The following CHODL variants were observed in gnomAD, a reference collection of about 807,000 sequenced individuals.
CHODL encodes transmembrane protein MT75.
CHODL carries 29 observed loss-of-function variants against 34.5 expected under a neutral mutation model. The observed-to-expected ratio is 0.84, with a 90% CI of 0.63 to 1.15. The LOEUF is 1.15. CHODL is among the 50% of genes most tolerant of loss of function. The pLI is 0.00. For missense variants in CHODL, 332 were observed against 332.5 expected (o/e 1.00, Z 0.01); for synonymous variants, 125 against 116.1 (o/e 1.08, Z -0.49).
chr21:18,151,612 T>C (rs1347538577), intron 2 of CHODL, among the ~76,000 whole-genome samples: 2 of 152,172 alleles, frequency 1.3e-5, no homozygotes, highest in Non-Finnish European at 2.9e-5. Flanking sequence ...CGATCAGAAG[T>C]TCTGGAGGTC....
chr21:18,196,641 C>A (rs2073591569), intron 2 of CHODL, among the ~76,000 whole-genome samples: 1 of 152,134 alleles, frequency 6.6e-6, no homozygotes, highest in African/African-American at 2.4e-5. Context: ...TTACTGAAAA[C>A]ACAGTGTGAA....
intron 2 of CHODL, among the ~76,000 whole-genome samples, chr21:18,152,832 G>T (rs922432385): frequency 1.3e-5 from 2 of 152,194 alleles, no homozygotes; most frequent in Admixed American, 1.3e-4. Flanking sequence ...AACATAGCTA[G>T]ATTTGTGTTG....
intron 2 of CHODL, among the ~76,000 whole-genome samples, chr21:18,147,061 T>C (rs1447110554): frequency 6.6e-6 from 1 of 152,222 alleles, no homozygotes; most frequent in Non-Finnish European, 1.5e-5. Flanking sequence ...CTTCATGTTC[T>C]GACCATTGGA....
At chr21:18,000,196 A>G (rs1047860395) in intron 1 of CHODL, among the ~76,000 whole-genome samples, 1 of 152,102 alleles carries the variant, frequency 6.6e-6, no homozygotes, top group African/African-American at 2.4e-5. Context: ...TTTCTGACTT[A>G]GGGCCTCAGT....
intron 1 of CHODL, among the ~76,000 whole-genome samples, chr21:17,964,211 C>T (rs191104585): frequency 3.9e-5 from 6 of 152,122 alleles, no homozygotes; most frequent in African/African-American, 1.2e-4. Context: ...ATTTAATGAT[C>T]GATACATGTG....
intron 2 of CHODL, among the ~76,000 whole-genome samples, chr21:18,195,148 A>G (rs926590385): frequency 7.9e-5 from 12 of 151,888 alleles, no homozygotes; most frequent in African/African-American, 2.4e-4. Context: ...TCTGCCTCCC[A>G]GGTTCACACC....
chr21:18,145,468 A>G (rs995845521), intron 2 of CHODL, among the ~76,000 whole-genome samples: 2 of 151,010 alleles, frequency 1.3e-5, no homozygotes, highest in Admixed American at 6.6e-5. Flanking sequence ...GCGGCATTCA[A>G]TATGATATTG....
At chr21:17,921,930 T>C (rs554323161) in intron 1 of CHODL, among the ~76,000 whole-genome samples, 2 of 152,196 alleles carry the variant, frequency 1.3e-5, no homozygotes, top group Non-Finnish European at 2.9e-5. Flanking sequence ...ACACTCCAAA[T>C]TTCTATTTTT....
chr21:17,931,125 C>T (rs1267168109), intron 1 of CHODL, among the ~76,000 whole-genome samples: 1 of 152,178 alleles, frequency 6.6e-6, no homozygotes, highest in Non-Finnish European at 1.5e-5. Context: ...CCAGGAGCTC[C>T]CTCAGTCACT....
At chr21:18,178,710 G>A (rs2073345947) in intron 2 of CHODL, among the ~76,000 whole-genome samples, 1 of 152,178 alleles carries the variant, frequency 6.6e-6, no homozygotes, top group Non-Finnish European at 1.5e-5. Flanking sequence ...CCCTCTTCAT[G>A]CTGAGTAGGC....
At chr21:18,094,343 C>G (rs1024398491) in intron 2 of CHODL, among the ~76,000 whole-genome samples, 11 of 152,158 alleles carry the variant, frequency 7.2e-5, no homozygotes, top group African/African-American at 2.7e-4. Context: ...TGGACTTAAT[C>G]TGCACTATAG....
chr21:17,962,381 G>C (rs1702175902), intron 1 of CHODL, among the ~76,000 whole-genome samples: 2 of 152,176 alleles, frequency 1.3e-5, no homozygotes, highest in Admixed American at 6.5e-5. Flanking sequence ...AGGTTTTAAT[G>C]TATACACAGT....
At chr21:18,160,474 TCTC>T (rs1037381193) in intron 2 of CHODL, among the ~76,000 whole-genome samples, 1 of 151,886 alleles carries the variant, frequency 6.6e-6, no homozygotes, top group Non-Finnish European at 1.5e-5. Context: ...TATTTTTCCT[TCTC>T]CTCCTCCTCC....
At position 18,221,749 on chromosome 21, in the gene CHODL, A is replaced by G. The variant is rs144168215; in HGVS notation, c.-44-34760A>G. 2.6e-3 allele frequency among the ~76,000 whole-genome samples: 398 copies of G among 152,220 alleles called. 3 individuals are homozygous for G. The highest frequency in any genetic ancestry group is 0.014 in the Middle Eastern group (4 of 294). On this transcript the variant is annotated intron_variant, in intron 2 of 6. Transcript: ENST00000400127. ...TGTGCCAAATGAGCTGGTCCTCAGG[A>G]CCCTAGATGGCACTTACAGGTATCA... is the stretch of plus-strand genomic sequence containing the variant.
At chr21:17,950,792 C>G (rs1310219989) in intron 1 of CHODL, among the ~76,000 whole-genome samples, 4 of 152,040 alleles carry the variant, frequency 2.6e-5, no homozygotes, top group Non-Finnish European at 5.9e-5. Flanking sequence ...CAAGTAAGTC[C>G]TCTCTGGACA....
In CHODL at chr21:17,974,190, T is replaced by G. The variant is rs186856740; in HGVS notation, c.-144-53682T>G. 5.9e-5 allele frequency among the ~76,000 whole-genome samples: 9 copies of G among 152,324 alleles called. 1 individual carries two copies. The highest frequency in any genetic ancestry group is 5.9e-4 in the Admixed American group (9 of 15,298). On this transcript the variant is annotated intron_variant, in intron 1 of 6. Transcript: ENST00000400127. The stretch of plus-strand genomic sequence containing the variant: ...CAGATATGATGAACCAAAATGACAT[T>G]GATAATAAATAACCTGGTTAGTGGG...
chr21:18,251,519 ATATTTATTTTATTTATTATTTTAATAT>A (rs2074244176), intron 1 of CHODL, among the ~76,000 whole-genome samples: 1 of 94,556 alleles, frequency 1.1e-5, no homozygotes, highest in South Asian at 3.1e-4. Flanking sequence ...AATATATAAA[ATATTTATTTTATTTATTATTTTAATAT>A]ATAAATATTT....
intron 2 of CHODL, among the ~76,000 whole-genome samples, chr21:18,028,330 CCTCT>C (rs1243880166): frequency 7.1e-6 from 1 of 141,756 alleles, no homozygotes; most frequent in Non-Finnish European, 1.5e-5. Context: ...TTCCTTCCTT[CCTCT>C]CTGTTTCTTT....
chr21:17,942,300 G>C (rs1348262600), intron 1 of CHODL, among the ~76,000 whole-genome samples: 1 of 152,164 alleles, frequency 6.6e-6, no homozygotes, highest in Non-Finnish European at 1.5e-5. Flanking sequence ...TTGTGGGAGG[G>C]ACCCAGTGGG....
Sources: allele counts gnomAD v4.1 joint callset (sites outside exome capture counted in the v4.1 genomes callset), GRCh38; gene constraint gnomAD v4.1.1; transcripts MANE v1.5; gene names NCBI Gene and HGNC (gene_info 2026-07-23, HGNC 2026-07-21).